The following DIP2B variants were observed in gnomAD, a reference collection of about 807,000 sequenced individuals.
The protein encoded by DIP2B is DIP2 acetate--CoA ligase B (putative).
A neutral mutation model predicts 198.0 loss-of-function variants in DIP2B; 76 were observed. The ratio of observed to expected loss-of-function variants is 0.38; its 90% CI spans 0.32 to 0.46. DIP2B has a LOEUF of 0.46. Among genes scored for constraint, DIP2B ranks in the 20% least tolerant of loss-of-function variants. The pLI is 0.99. For synonymous variants in DIP2B, 701 were observed against 739.1 expected, an observed-to-expected ratio of 0.95 and a Z score of 0.84; for missense variants, 1,559 against 1,978.4, an observed-to-expected ratio of 0.79 and a Z score of 4.02.
intron 33 of DIP2B, among the ~76,000 whole-genome samples, chr12:50,734,804 C>T (rs1940107088): frequency 6.6e-6 from 1 of 152,174 alleles, no homozygotes; most frequent in Admixed American, 6.5e-5. Flanking sequence ...TGTCTGGAAA[C>T]ATTTTGGGTT....
At chr12:50,641,778 A>C (rs533024811) in intron 3 of DIP2B, among the ~76,000 whole-genome samples, 1 of 152,272 alleles carries the variant, frequency 6.6e-6, no homozygotes, top group South Asian at 2.1e-4. Context: ...AGATCCCTAG[A>C]GCACGTGTGG....
intron 1 of DIP2B, among the ~76,000 whole-genome samples, chr12:50,507,004 A>C (rs1957974124): frequency 6.6e-6 from 1 of 152,134 alleles, no homozygotes; most frequent in African/African-American, 2.4e-5. Flanking sequence ...TGTTGTTTAC[A>C]TCTCTGGGTG....
chr12:50,606,771 C>T (rs1958985475), intron 1 of DIP2B, among the ~76,000 whole-genome samples: 1 of 151,746 alleles, frequency 6.6e-6, no homozygotes, highest in African/African-American at 2.4e-5. Context: ...GCTGGGACTA[C>T]AGGCTCATAC....
chr12:50,576,314 A>G (rs1043434641), intron 1 of DIP2B, among the ~76,000 whole-genome samples: 184 of 148,390 alleles, frequency 1.2e-3, no homozygotes, highest in African/African-American at 4.2e-3. Context: ...TGATCTGCCC[A>G]CCTTGGCCTC....
chr12:50,605,078 G>A (rs1323462118), intron 1 of DIP2B, among the ~76,000 whole-genome samples: 1 of 152,086 alleles, frequency 6.6e-6, no homozygotes, highest in Non-Finnish European at 1.5e-5. Flanking sequence ...AATGTAGCCT[G>A]TTTTCTAGAT....
At chr12:50,683,059 T>C in intron 9 of DIP2B, 79 bp from the exon 10 acceptor site, 1 of 1,161,530 alleles carries the variant, frequency 8.6e-7, no homozygotes, top group Non-Finnish European at 1.2e-6. Context: ...TGATAAATAT[T>C]ACATACTTAG....
At chr12:50,705,445 T>C (rs1374458689) in intron 20 of DIP2B, among the ~76,000 whole-genome samples, 1 of 152,226 alleles carries the variant, frequency 6.6e-6, no homozygotes. Context: ...GCCTTTCATC[T>C]GTATTCCAAG....
chr12:50,511,649 T>C (rs1195792307), intron 1 of DIP2B, among the ~76,000 whole-genome samples: 3 of 151,826 alleles, frequency 2.0e-5, no homozygotes. Flanking sequence ...TAAAAAAATT[T>C]TTTTTAAAGT....
At chr12:50,513,554 C>T (rs548147027) in intron 1 of DIP2B, among the ~76,000 whole-genome samples, 207 of 152,306 alleles carry the variant, frequency 1.4e-3, no homozygotes, top group African/African-American at 4.9e-3. Flanking sequence ...CCTCAGTGAA[C>T]ATATCCTTCC....
At chr12:50,738,854 GTAT>G (rs1449567440) in intron 35 of DIP2B, among the ~76,000 whole-genome samples, 5 of 152,204 alleles carry the variant, frequency 3.3e-5, no homozygotes, top group African/African-American at 1.2e-4. Flanking sequence ...ACAATTAAAT[GTAT>G]TAACACCTGC....
chr12:50,625,946 A>G (rs1334891867), intron 1 of DIP2B, 30 bp from the exon 2 acceptor site: 2 of 1,607,084 alleles, frequency 1.2e-6, no homozygotes, highest in East Asian at 2.2e-5. Context: ...AGAATAATGC[A>G]TAACCTATTT....
At chr12:50,722,207 C>A (rs1939849416) in intron 26 of DIP2B, among the ~76,000 whole-genome samples, 1 of 151,904 alleles carries the variant, frequency 6.6e-6, no homozygotes, top group Admixed American at 6.6e-5. Context: ...CCTGTTATCC[C>A]CCCACACTTC....
At position 50,748,432 on chromosome 12, in the gene DIP2B, T is replaced by C. The variant is rs950492164; in HGVS notation, c.*3593T>C. ...TGTCCAGAGGAAGAGACTAAAGATA[T>C]AAGAATAATTTTTTAGTCCTAAATG... is the stretch of plus-strand genomic sequence containing the variant. On this transcript the variant is annotated 3_prime_UTR_variant, in exon 38 of 38. Transcript: ENST00000301180. 5 of 152,652 alleles carry C rather than the reference T, an allele frequency of 3.3e-5. No individual in the cohort carries two copies. The highest frequency in any genetic ancestry group is 5.9e-5 in the Non-Finnish European group (4 of 68,038). 9.5% of individuals were successfully genotyped at this position (152,652 alleles called of 1,614,324 possible).
At chr12:50,618,705 T>G (rs1207186306) in intron 1 of DIP2B, among the ~76,000 whole-genome samples, 3 of 152,212 alleles carry the variant, frequency 2.0e-5, no homozygotes, top group African/African-American at 7.2e-5. Context: ...CTCACTGTCC[T>G]CACCTATAAA....
At chr12:50,564,869 G>A (rs985879393) in intron 1 of DIP2B, among the ~76,000 whole-genome samples, 3 of 152,224 alleles carry the variant, frequency 2.0e-5, no homozygotes, top group Non-Finnish European at 4.4e-5. Flanking sequence ...TTTTAATTAT[G>A]TATTTCATAA....
chr12:50,566,695 C>T (rs776187953), intron 1 of DIP2B, among the ~76,000 whole-genome samples: 3 of 151,976 alleles, frequency 2.0e-5, no homozygotes, highest in Non-Finnish European at 2.9e-5. Context: ...TATGGCTGGG[C>T]GCAGTGGCTC....
chr12:50,634,514 A>T (rs920818823), intron 2 of DIP2B, among the ~76,000 whole-genome samples: 1 of 152,188 alleles, frequency 6.6e-6, no homozygotes, highest in Non-Finnish European at 1.5e-5. Context: ...TACTGTTTCG[A>T]CACCAAGGAG....
chr12:50,546,285 T>G (rs1958377128), intron 1 of DIP2B, among the ~76,000 whole-genome samples: 2 of 152,256 alleles, frequency 1.3e-5, no homozygotes, highest in African/African-American at 2.4e-5. Flanking sequence ...TAGTTTTAGA[T>G]GCTTATTCCT....
intron 1 of DIP2B, 134 bp downstream of exon 1, chr12:50,505,374 C>T (rs1304739884): frequency 8.0e-6 from 5 of 623,100 alleles, no homozygotes; most frequent in African/African-American, 7.9e-5. Flanking sequence ...CCTGGCGCTC[C>T]ACGACCGTTT....
Sources: gnomAD v4.1 joint callset for allele counts (sites outside exome capture counted in the v4.1 genomes callset) on GRCh38, gnomAD v4.1.1 for gene constraint, MANE v1.5 for transcripts, NCBI Gene and HGNC (gene_info 2026-07-23, HGNC 2026-07-21) for gene names.